MOB1A: variants seen among roughly 807,000 people sequenced by gnomAD.
The protein encoded by MOB1A is MOB kinase activator 1A, also known as MOB1 Mps One Binder homolog A.
MOB1A carries 10 observed loss-of-function variants against 25.1 expected under a neutral mutation model. That is an observed-to-expected ratio of 0.40 (90% CI 0.25 to 0.68). The LOEUF is 0.68. Ranked by LOEUF, MOB1A falls within the 30% of genes least tolerant of loss-of-function variation. MOB1A has a pLI of 0.40. For synonymous variants in MOB1A, 81 were observed against 79.5 expected (o/e 1.02, Z -0.10); for missense variants, 177 against 256.3 (o/e 0.69, Z 2.11).
At chr2:74,164,549 A>T (rs1255552830) in intron 4 of MOB1A, 2 of 152,008 alleles carry the variant, frequency 1.3e-5, no homozygotes, top group Non-Finnish European at 2.9e-5. Flanking sequence ...AGAAAACATG[A>T]ATAAATATTT....
rs1692713970 is a variant in MOB1A, at chr2:74,153,408, T to C, written c.*3160A>G. On this transcript the variant is annotated 3_prime_UTR_variant, in exon 6 of 6. Transcript: ENST00000396049. ...TACCACCAAGATTGTTCCTCTTGCC[T>C]TGGCACTACTAAAAAACTTTACCTT... The C allele has an allele frequency of 6.6e-6, 1 of 152,210 alleles. No homozygotes were observed. The highest frequency in any genetic ancestry group is 2.4e-5 in the African/African-American group (1 of 41,460). 9.4% of individuals were successfully genotyped at this position (152,210 alleles called of 1,614,324 possible). A position where few individuals can be genotyped will look rare whatever the true frequency, so the allele number is the denominator to read the frequency against.
At chr2:74,160,733 C>A (rs191226493) in intron 4 of MOB1A, among the ~76,000 whole-genome samples, 231 of 150,872 alleles carry the variant, frequency 1.5e-3, no homozygotes, top group African/African-American at 5.3e-3. Flanking sequence ...TAGAAAACAA[C>A]GGGGGTAGAG....
chr2:74,176,275 CA>C (rs1201428854), intron 1 of MOB1A, among the ~76,000 whole-genome samples: 878 of 29,526 alleles, frequency 0.03, 3 homozygotes, highest in African/African-American at 0.12. Flanking sequence ...GACCCTGTCT[CA>C]AAAAAAAAAA....
intron 2 of MOB1A, among the ~76,000 whole-genome samples, chr2:74,170,088 C>T (rs964580383): frequency 1.3e-5 from 2 of 152,114 alleles, no homozygotes; most frequent in Non-Finnish European, 1.5e-5. Flanking sequence ...CAATAAATGA[C>T]TTCAGAATAA....
chr2:74,166,957 C>G (rs775597813), intron 3 of MOB1A, 57 bp downstream of exon 3: 88 of 1,212,236 alleles, frequency 7.3e-5, no homozygotes, highest in Non-Finnish European at 1.1e-4. Flanking sequence ...TAATTTCTAT[C>G]AATTGGTGAT....
At chr2:74,167,157 T>G in intron 2 of MOB1A, 50 bp from the exon 3 acceptor site, 1 of 1,422,416 alleles carries the variant, frequency 7.0e-7, no homozygotes, top group African/African-American at 1.4e-5. Flanking sequence ...ACACAAAATA[T>G]GAGACCTCCA....
At position 74,163,717 on chromosome 2, in the gene MOB1A, AATAAAAGAC is replaced by A. The variant is rs1173946359; in HGVS notation, c.409+1492_409+1500del. On this transcript the variant is annotated intron_variant, in intron 4 of 5. Coordinates refer to ENST00000396049, the MANE Select transcript of MOB1A (RefSeq NM_018221.5). The stretch of plus-strand genomic sequence containing the variant: ...ATAACCAGCTGGAAACCAGATTATC[AATAAAAGAC>A]ATAAAATCCCTAGAATAAAATTAAG... Among the ~76,000 whole-genome samples, 171 of 152,308 alleles carry A rather than the reference AATAAAAGAC, an allele frequency of 1.1e-3. 1 individual carries two copies. Among genetic ancestry groups the A allele is most frequent in the African/African-American group, 3.9e-3 (163 of 41,580 alleles).
chr2:74,173,388 T>G (rs1044193573), intron 1 of MOB1A, among the ~76,000 whole-genome samples: 5 of 145,986 alleles, frequency 3.4e-5, no homozygotes, highest in South Asian at 2.3e-4. Context: ...TTTTTTTTTT[T>G]TTTTTTTTTT....
chr2:74,172,967 G>T (rs1015834504), intron 1 of MOB1A: 11 of 554,406 alleles, frequency 2.0e-5, no homozygotes, highest in Middle Eastern at 9.9e-4. Context: ...GAAACCACAC[G>T]TCTACTAAAA....
intron 1 of MOB1A, among the ~76,000 whole-genome samples, chr2:74,174,648 C>A (rs11885008): frequency 0.053 from 8,002 of 152,198 alleles, 705 homozygotes; most frequent in African/African-American, 0.18. Context: ...AGTCTTCCTG[C>A]ACAAAACTCA....
chr2:74,160,177 T>C (rs927724825), intron 4 of MOB1A, among the ~76,000 whole-genome samples: 2 of 152,208 alleles, frequency 1.3e-5, no homozygotes, highest in Admixed American at 6.5e-5. Flanking sequence ...ACTTTGTAAT[T>C]TGTAACTCTA....
In MOB1A at chr2:74,178,714, C is replaced by G; in HGVS notation, c.-40G>C. On this transcript the variant is annotated 5_prime_UTR_variant, in exon 1 of 6. Transcript: ENST00000396049. ...GGGGAGGCGAGGGGCCCCTGGCCCCCGCCTGGATCAGGATTCGGAGCTGGC... is the reference window on the plus strand; with the variant it reads ...GGGGAGGCGAGGGGCCCCTGGCCCCGGCCTGGATCAGGATTCGGAGCTGGC... 8 of 1,242,186 alleles carry G rather than the reference C, an allele frequency of 6.4e-6. No homozygotes were observed. The Admixed American group carries it at 2.9e-4, about 45-fold the overall frequency. The allele number at this position is 1,242,186 out of a possible 1,614,324, so 76.9% of individuals were successfully genotyped here. A position where few individuals can be genotyped will look rare whatever the true frequency, so the allele number is the denominator to read the frequency against.
chr2:74,170,359 A>C (rs1397178068), intron 2 of MOB1A, among the ~76,000 whole-genome samples: 1 of 151,760 alleles, frequency 6.6e-6, no homozygotes, highest in Non-Finnish European at 1.5e-5. Flanking sequence ...GGATGGTCTC[A>C]ATCTCCTGAC....
At position 74,154,227 on chromosome 2, in the gene MOB1A, C is replaced by T. The variant is rs578026035; in HGVS notation, c.*2341G>A. 1 of 149,940 alleles carries T rather than the reference C, an allele frequency of 6.7e-6. No homozygotes were observed. The highest frequency in any genetic ancestry group is 2.0e-4 in the East Asian group (1 of 5,046). 9.3% of individuals were successfully genotyped at this position (149,940 alleles called of 1,614,324 possible). ...AAAAAAAAAGATTGATTTCGTCAAA[C>T]TGTTATCAAAGGTTGGCCCTCTAGC... On this transcript the variant is annotated 3_prime_UTR_variant, in exon 6 of 6. Transcript: ENST00000396049.
chr2:74,161,905 T>C lies in MOB1A; in HGVS notation c.410-2651A>G, dbSNP rs1391676374. Among the ~76,000 whole-genome samples the C allele has an allele frequency of 4.6e-5, 7 of 151,994 alleles. No individual in the cohort carries two copies. In the East Asian group the frequency reaches 1.2e-3, roughly 25 times the overall value. ...CTGGGAGGTCAAGTCCACAGTGAGC[T>C]GTAACTGCACCACTGCACTCTAGCC... On this transcript the variant is annotated intron_variant, in intron 4 of 5. Coordinates refer to ENST00000396049, the MANE Select transcript of MOB1A (RefSeq NM_018221.5).
chr2:74,165,489 A>G (rs1222409460), intron 3 of MOB1A, 138 bp from the exon 4 acceptor site: 1 of 500,024 alleles, frequency 2.0e-6, no homozygotes. Flanking sequence ...GTTCTACTGA[A>G]GATTACTGTG....
Position 74,178,430 on chromosome 2 carries a change from G to A in MOB1A, c.14+231C>T, listed in dbSNP as rs1572971223. 17 of 354,438 alleles carry A rather than the reference G, an allele frequency of 4.8e-5. No individual in the cohort carries two copies. In the East Asian group the frequency reaches 6.5e-4, roughly 13 times the overall value. 22.0% of individuals were successfully genotyped at this position (354,438 alleles called of 1,614,324 possible). On this transcript the variant is annotated intron_variant, in intron 1 of 5. Transcript: ENST00000396049. The stretch of plus-strand genomic sequence containing the variant: ...AAGTTTGGAGGCGCGACGGCCCCGG[G>A]GCCTTTCTACTCCCCAGCCTTCACG...
At chr2:74,164,311 G>A (rs1386501392) in intron 4 of MOB1A, 2 of 152,150 alleles carry the variant, frequency 1.3e-5, no homozygotes, top group Non-Finnish European at 2.9e-5. Context: ...TTGAGGTCAG[G>A]CGTTCAAGAC....
chr2:74,176,739 G>A (rs1693483169), intron 1 of MOB1A, among the ~76,000 whole-genome samples: 1 of 150,702 alleles, frequency 6.6e-6, no homozygotes, highest in Admixed American at 6.6e-5. Flanking sequence ...ACTCCAGCCT[G>A]GGCGACAGAG....
Sources: gnomAD v4.1 joint callset for allele counts (sites outside exome capture counted in the v4.1 genomes callset) on GRCh38, gnomAD v4.1.1 for gene constraint, MANE v1.5 for transcripts, NCBI Gene and HGNC (gene_info 2026-07-23, HGNC 2026-07-21) for gene names.